NRXN1: variants seen among roughly 807,000 people sequenced by gnomAD.
The protein encoded by NRXN1 is neurexin-1.
In NRXN1, 39 loss-of-function variants were observed where a neutral mutation model predicts 150.9. The observed-to-expected ratio is 0.26, with a 90% confidence interval of 0.20 to 0.34. The LOEUF is 0.34. NRXN1 is among the 10% of genes least tolerant of loss of function. The probability of loss-of-function intolerance (pLI) is 1.00; values close to 1 mark genes in which losing one functional copy is unlikely to be tolerated. For missense variants in NRXN1, 1,815 were observed against 1,949.9 expected, an observed-to-expected ratio of 0.93 and a Z score of 1.30; for synonymous variants, 924 against 757.0, an observed-to-expected ratio of 1.22 and a Z score of -3.62.
At chr2:50,322,120 C>T (rs1184129693) in intron 17 of NRXN1, among the ~76,000 whole-genome samples, 1 of 151,438 alleles carries the variant, frequency 6.6e-6, no homozygotes, top group Non-Finnish European at 1.5e-5. Flanking sequence ...ACTACCTGGT[C>T]AGATGTTACA....
At position 50,886,231 on chromosome 2, in the gene NRXN1, T is replaced by C. The variant is rs1056798405; in HGVS notation, c.832+35638A>G. Among the ~76,000 whole-genome samples, 25 of 151,024 alleles carry C rather than the reference T, an allele frequency of 1.7e-4. No individual in the cohort carries two copies. The Admixed American group carries it at 1.7e-3, about 10-fold the overall frequency. Reference sequence around the variant, plus strand: ...AACATGTACTAAAAATAAAGGCCCATAGAAATGAGGAGAATGAAAGGAAAA... The same window carrying C: ...AACATGTACTAAAAATAAAGGCCCACAGAAATGAGGAGAATGAAAGGAAAA... On this transcript the variant is annotated intron_variant, in intron 5 of 22. Transcript: ENST00000401669.
At chr2:50,237,619 C>T (rs75628060) in intron 17 of NRXN1, among the ~76,000 whole-genome samples, 2,669 of 151,754 alleles carry the variant, frequency 0.018, 70 homozygotes, top group African/African-American at 0.062. Context: ...AGACCCACAT[C>T]CTCTGCCACC....
At chr2:50,134,716 G>C (rs1053898459) in intron 18 of NRXN1, among the ~76,000 whole-genome samples, 2 of 151,948 alleles carry the variant, frequency 1.3e-5, no homozygotes, top group Non-Finnish European at 1.5e-5. Flanking sequence ...TTCCTCTTAA[G>C]TCCCCTAGCT....
At chr2:50,615,614 G>A (rs1330467726) in intron 8 of NRXN1, 1 of 152,118 alleles carries the variant, frequency 6.6e-6, no homozygotes, top group Non-Finnish European at 1.5e-5. Flanking sequence ...TATTGGGATA[G>A]AAACACATAC....
intron 12 of NRXN1, among the ~76,000 whole-genome samples, chr2:50,508,034 G>C (rs143635805): frequency 4.1e-4 from 63 of 152,176 alleles, no homozygotes; most frequent in South Asian, 2.9e-3. Context: ...GTAAGAGACA[G>C]AGAACCAAGT....
chr2:50,992,840 T>C (rs1042358804), intron 2 of NRXN1, among the ~76,000 whole-genome samples: 2 of 151,944 alleles, frequency 1.3e-5, no homozygotes, highest in African/African-American at 4.8e-5. Flanking sequence ...GGATTATTGG[T>C]AGAGACTGAT....
intron 5 of NRXN1, among the ~76,000 whole-genome samples, chr2:50,650,876 T>G (rs1458627016): frequency 2.0e-5 from 3 of 152,088 alleles, no homozygotes; most frequent in Non-Finnish European, 4.4e-5. Context: ...TAGTTAATAT[T>G]TGAATATAAA....
At position 50,236,927 on chromosome 2, in the gene NRXN1, C is replaced by A. The variant is rs80094872; in HGVS notation, c.3408G>T (p.Thr1136=). The change falls in exon 18 of 23, where the codon ACG becomes ACT. Residue 1136 remains threonine, a synonymous_variant. Transcript: ENST00000401669. ...GTCGGTCATTAGGAGGCCACTTATA[C>A]GTGATTTGTCCACCACCTTTGCTAA... ...YIFSKGGGQI[T]YKWPPNDRPS... 6.2e-7 allele frequency: 1 copy of A among 1,613,328 alleles called. No individual in the cohort carries two copies. The highest frequency in any genetic ancestry group is 1.1e-5 in the South Asian group (1 of 91,080).
chr2:50,355,276 CA>C (rs1474372169), intron 17 of NRXN1, among the ~76,000 whole-genome samples: 3 of 114,224 alleles, frequency 2.6e-5, no homozygotes, highest in Admixed American at 1.0e-4. Flanking sequence ...CACATATATA[CA>C]ATATTTATAT....
At chr2:50,401,174 G>T (rs183489626) in intron 17 of NRXN1, among the ~76,000 whole-genome samples, 1 of 151,990 alleles carries the variant, frequency 6.6e-6, no homozygotes. Flanking sequence ...AGGCCTTCAG[G>T]TTCCTCATTC....
At chr2:50,010,212 A>C (rs1052334527) in intron 21 of NRXN1, among the ~76,000 whole-genome samples, 1 of 152,150 alleles carries the variant, frequency 6.6e-6, no homozygotes, top group Non-Finnish European at 1.5e-5. Context: ...AACAGACTCA[A>C]TAAGAAGTCA....
chr2:50,458,624 G>A (rs2087837550), intron 17 of NRXN1, among the ~76,000 whole-genome samples: 2 of 150,230 alleles, frequency 1.3e-5, no homozygotes, highest in African/African-American at 4.9e-5. Context: ...TTGTTGCCCA[G>A]GCTGGAGTGC....
intron 18 of NRXN1, among the ~76,000 whole-genome samples, chr2:50,103,618 A>G (rs1701261880): frequency 6.6e-6 from 1 of 152,046 alleles, no homozygotes; most frequent in Admixed American, 6.6e-5. Flanking sequence ...TTTGGCCAGG[A>G]ATCGTGAAGC....
intron 5 of NRXN1, among the ~76,000 whole-genome samples, chr2:50,885,693 G>T (rs1171679022): frequency 6.6e-6 from 1 of 151,332 alleles, no homozygotes; most frequent in Non-Finnish European, 1.5e-5. Flanking sequence ...GACTCAATGT[G>T]AAAGATAATT....
rs1675717793 is a variant in NRXN1, at chr2:50,598,716, GTATATATAC to G, written c.1320+21297_1320+21305del. 3.5e-5 allele frequency among the ~76,000 whole-genome samples: 5 copies of G among 144,566 alleles called. No individual in the cohort carries two copies. In the South Asian group the frequency reaches 1.1e-3, roughly 31 times the overall value. 94.8% of individuals were successfully genotyped at this position (144,566 alleles called of 152,430 possible). ...TATCTATATATATATACATATATAT[GTATATATAC>G]ACATATATATGTATATATATATATT... On this transcript the variant is annotated intron_variant, in intron 8 of 22. Transcript: ENST00000401669.
intron 21 of NRXN1, among the ~76,000 whole-genome samples, chr2:50,002,824 G>T (rs1041705966): frequency 1.6e-4 from 24 of 152,214 alleles, no homozygotes; most frequent in African/African-American, 5.5e-4. Flanking sequence ...TCTCTCTTCT[G>T]TTGACCTGAA....
At chr2:50,959,363 A>G (rs2104672310) in intron 2 of NRXN1, among the ~76,000 whole-genome samples, 1 of 152,254 alleles carries the variant, frequency 6.6e-6, no homozygotes, top group African/African-American at 2.4e-5. Context: ...CCAAATATCC[A>G]TCAACTGATG....
intron 5 of NRXN1, among the ~76,000 whole-genome samples, chr2:50,685,688 T>C (rs955467171): frequency 5.3e-5 from 8 of 152,150 alleles, no homozygotes; most frequent in Admixed American, 2.0e-4. Flanking sequence ...CATTTTACAA[T>C]TAATTTGTCT....
At chr2:50,568,857 C>T (rs1172560004) in intron 8 of NRXN1, among the ~76,000 whole-genome samples, 1 of 152,144 alleles carries the variant, frequency 6.6e-6, no homozygotes, top group Admixed American at 6.6e-5. Context: ...TTTATTGAAA[C>T]ACTAGTCACA....
Sources: allele counts gnomAD v4.1 joint callset (sites outside exome capture counted in the v4.1 genomes callset), GRCh38; gene constraint gnomAD v4.1.1; transcripts MANE v1.5; gene names NCBI Gene and HGNC (gene_info 2026-07-23, HGNC 2026-07-21).